Variants in PLCH1 observed in about 807,000 individuals in gnomAD.
PLCH1 encodes the protein 1-phosphatidylinositol 4,5-bisphosphate phosphodiesterase eta-1.
In PLCH1, 60 loss-of-function variants were observed where a neutral mutation model predicts 126.7. The ratio of observed to expected loss-of-function variants is 0.47; its 90% CI spans 0.38 to 0.59. The LOEUF is 0.59. Ranked by LOEUF, PLCH1 falls within the 20% of genes least tolerant of loss-of-function variation. PLCH1 has a pLI of 0.00. For missense variants in PLCH1, 1,723 were observed against 2,040.0 expected (o/e 0.84, Z 2.99); for synonymous variants, 719 against 734.9 (o/e 0.98, Z 0.35).
intron 1 of PLCH1, among the ~76,000 whole-genome samples, chr3:155,733,323 C>T (rs1226192726): frequency 2.0e-5 from 3 of 152,120 alleles, no homozygotes; most frequent in Non-Finnish European, 4.4e-5. Flanking sequence ...AAATATACCA[C>T]ACAAAGCTAT....
chr3:155,633,361 C>T (rs934695950), intron 2 of PLCH1, among the ~76,000 whole-genome samples: 8 of 127,292 alleles, frequency 6.3e-5, no homozygotes, highest in African/African-American at 2.5e-4. Flanking sequence ...AAAAAAAAAC[C>T]TACTCTTTCC....
At position 155,497,406 on chromosome 3, in the gene PLCH1, C is replaced by T. The variant is rs769302426; in HGVS notation, c.1808G>A (p.Arg603Gln). Residue 603 changes from arginine (R) to glutamine (Q), a missense_variant, in exon 15 of 23, where the codon CGA (arginine) becomes CAA (glutamine). Arg to Gln is a conservative substitution (Grantham distance 43). Coordinates refer to ENST00000460012, the MANE Select transcript of PLCH1 (RefSeq NM_014996.4). Reference sequence around the variant, plus strand: ...TCGGCAGAGCTTCATGGTTTTCCTTCGGCGACCCAATCTGTGAAGTACCCA... The same window carrying T: ...TCGGCAGAGCTTCATGGTTTTCCTTTGGCGACCCAATCTGTGAAGTACCCA... ...EGGQLYRLGR[R>Q]RKTMKLCREL... 1.4e-5 allele frequency: 22 copies of T among 1,613,108 alleles called. No homozygotes were observed. Among genetic ancestry groups the T allele is most frequent in the East Asian group, 4.5e-5 (2 of 44,874 alleles).
At chr3:155,668,084 CAAAAAAAAAA>C (rs756879174) in intron 2 of PLCH1, among the ~76,000 whole-genome samples, 2 of 38,006 alleles carry the variant, frequency 5.3e-5, no homozygotes, top group African/African-American at 1.2e-4. Flanking sequence ...GACTCCATCT[CAAAAAAAAAA>C]AAAAAAAAAA....
intron 10 of PLCH1, among the ~76,000 whole-genome samples, chr3:155,537,198 A>AC (rs375890756): frequency 0.78 from 100,241 of 128,104 alleles, 37,979 homozygotes; most frequent in Non-Finnish European, 0.86. Context: ...AAAAAAAAAA[A>AC]AACCAAAAAA....
chr3:155,660,701 C>A (rs1236696576), intron 2 of PLCH1, among the ~76,000 whole-genome samples: 1 of 152,190 alleles, frequency 6.6e-6, no homozygotes, highest in Non-Finnish European at 1.5e-5. Context: ...ATATCAGTCT[C>A]TAGAGTTTTG....
chr3:155,476,331 G>C (rs2107988450), downstream of PLCH1, among the ~76,000 whole-genome samples: 1 of 152,194 alleles, frequency 6.6e-6, no homozygotes, highest in Non-Finnish European at 1.5e-5. Flanking sequence ...CCCACAGCTA[G>C]TATCATATTG....
chr3:155,588,313 A>G lies in PLCH1; in HGVS notation c.471-2119T>C, dbSNP rs181674541. 3.1e-3 allele frequency among the ~76,000 whole-genome samples: 466 copies of G among 152,248 alleles called. 2 individuals are homozygous for G. The highest frequency in any genetic ancestry group is 0.02 in the South Asian group (97 of 4,828). On this transcript the variant is annotated intron_variant, in intron 4 of 22. Transcript: ENST00000460012. ...GACCCCTGGAAGTTAAGGGAGGTCC[A>G]GATCTGGGGGGAAAGTAACCGAAGA...
At chr3:155,730,830 C>T (rs1748717750) in intron 1 of PLCH1, among the ~76,000 whole-genome samples, 1 of 152,172 alleles carries the variant, frequency 6.6e-6, no homozygotes, top group African/African-American at 2.4e-5. Context: ...GCTTTAACCA[C>T]AGGCAGCACA....
chr3:155,676,983 A>G (rs1409058117), intron 2 of PLCH1, among the ~76,000 whole-genome samples: 1 of 152,252 alleles, frequency 6.6e-6, no homozygotes, highest in Non-Finnish European at 1.5e-5. Context: ...TTGCAACTTT[A>G]TTCAACTTCT....
chr3:155,458,234 A>G (rs1712510057), intron 21 of PLCH1, among the ~76,000 whole-genome samples: 1 of 151,032 alleles, frequency 6.6e-6, no homozygotes, highest in Non-Finnish European at 1.5e-5. Flanking sequence ...TCCAGCTACT[A>G]AGGAGGCTGA....
At chr3:155,659,432 C>A (rs1298031982) in intron 2 of PLCH1, among the ~76,000 whole-genome samples, 1 of 147,564 alleles carries the variant, frequency 6.8e-6, no homozygotes, top group Non-Finnish European at 1.5e-5. Context: ...TCAAGCAATC[C>A]TCCCTGTTCA....
At chr3:155,668,098 A>C (rs1394866815) in intron 2 of PLCH1, among the ~76,000 whole-genome samples, 11 of 150,432 alleles carry the variant, frequency 7.3e-5, no homozygotes, top group Admixed American at 7.3e-4. Context: ...AAAAAAAAAA[A>C]AAAAAAAAAG....
At chr3:155,641,073 A>AG (rs772621330) in intron 2 of PLCH1, among the ~76,000 whole-genome samples, 32 of 152,136 alleles carry the variant, frequency 2.1e-4, no homozygotes, top group Non-Finnish European at 3.8e-4. Flanking sequence ...AGTGCAAATT[A>AG]GGTACTGAAA....
At chr3:155,546,733 C>T (rs1257426713) in intron 10 of PLCH1, among the ~76,000 whole-genome samples, 4 of 148,924 alleles carry the variant, frequency 2.7e-5, no homozygotes, top group South Asian at 2.2e-4. Flanking sequence ...GAAATAACGC[C>T]CCATGTCTAC....
At chr3:155,636,844 A>G (rs1047674945) in intron 2 of PLCH1, among the ~76,000 whole-genome samples, 3 of 152,190 alleles carry the variant, frequency 2.0e-5, no homozygotes, top group Admixed American at 2.0e-4. Context: ...TGCTTATCTC[A>G]CATAAGTGTA....
chr3:155,706,172 CAAAAAAAAAAAA>C lies in PLCH1; in HGVS notation c.-40-1920_-40-1909del, dbSNP rs34725442. On this transcript the variant is annotated intron_variant, in intron 1 of 22. Coordinates refer to ENST00000460012, the MANE Select transcript of PLCH1 (RefSeq NM_014996.4). ...CTGGTGACAGAACAAGACTCTATCT[CAAAAAAAAAAAA>C]AAAAAAAAAAAAAAATCTGCTGGCC... Among the ~76,000 whole-genome samples the C allele has an allele frequency of 5.9e-3, 363 of 61,618 alleles. 2 individuals carry two copies. The highest frequency in any genetic ancestry group is 0.019 in the African/African-American group (333 of 17,608). 40.4% of individuals were successfully genotyped at this position (61,618 alleles called of 152,430 possible).
chr3:155,512,573 G>A (rs1719729666), intron 12 of PLCH1, among the ~76,000 whole-genome samples: 1 of 152,162 alleles, frequency 6.6e-6, no homozygotes, highest in Non-Finnish European at 1.5e-5. Context: ...GTGAAATGGG[G>A]AAGACGAAGT....
At chr3:155,551,430 G>C (rs1241029840) in intron 9 of PLCH1, among the ~76,000 whole-genome samples, 1 of 114,884 alleles carries the variant, frequency 8.7e-6, no homozygotes, top group East Asian at 3.0e-4. Flanking sequence ...GGGCGACAGA[G>C]CAAGGCTGCC....
intron 21 of PLCH1, among the ~76,000 whole-genome samples, chr3:155,474,346 T>G (rs912215874): frequency 1.3e-5 from 2 of 149,976 alleles, no homozygotes; most frequent in Non-Finnish European, 2.9e-5. Flanking sequence ...TCACTGGCCA[T>G]CAGAGAAATG....
Sources: gnomAD v4.1 joint callset for allele counts (sites outside exome capture counted in the v4.1 genomes callset) on GRCh38, gnomAD v4.1.1 for gene constraint, MANE v1.5 for transcripts, NCBI Gene and HGNC (gene_info 2026-07-23, HGNC 2026-07-21) for gene names.